The following ASAH1 variants were observed in gnomAD, a reference collection of about 807,000 sequenced individuals.
ASAH1 encodes the protein N-acylsphingosine amidohydrolase 1.
In ASAH1, 70 loss-of-function variants were observed where a neutral mutation model predicts 59.5. That is an observed-to-expected ratio of 1.18 (90% CI 0.97 to 1.43). The LOEUF (loss-of-function observed/expected upper bound fraction) is 1.43. Ranked by LOEUF, ASAH1 falls within the 40% of genes most tolerant of loss-of-function variation. The pLI, the probability that ASAH1 is intolerant of heterozygous loss-of-function variation, is 0.00. For synonymous variants in ASAH1, 213 were observed against 166.5 expected (o/e 1.28, Z -2.15); for missense variants, 660 against 482.5 (o/e 1.37, Z -3.45).
At chr8:18,061,916 ATG>A in intron 8 of ASAH1, 176 bp from the exon 9 acceptor site, 1 of 704,050 alleles carries the variant, frequency 1.4e-6, no homozygotes, top group Non-Finnish European at 2.5e-6. Flanking sequence ...TGATTCTAGT[ATG>A]TGAGATAAGT....
chr8:18,084,300 G>C, upstream of ASAH1: 2 of 1,432,020 alleles, frequency 1.4e-6, no homozygotes, highest in Non-Finnish European at 1.8e-6. Flanking sequence ...CAGAAGGAGA[G>C]TCGCGATCGC....
chr8:18,063,440 A>T (rs1799793647), intron 6 of ASAH1: 2 of 506,428 alleles, frequency 3.9e-6, no homozygotes, highest in Non-Finnish European at 7.0e-6. Context: ...CGTAGTTGGG[A>T]TTACAGACAT....
chr8:18,069,262 G>C (rs1486152650), intron 4 of ASAH1, among the ~76,000 whole-genome samples: 1 of 151,882 alleles, frequency 6.6e-6, no homozygotes, highest in East Asian at 1.9e-4. Context: ...TGTTTCATTG[G>C]TTCTGCGTCA....
At position 18,075,465 on chromosome 8, in the gene ASAH1, T is replaced by C. The variant is rs1433552135; in HGVS notation, c.125+76A>G. Reference sequence around the variant, plus strand: ...TTAAGATTTTATTCACTATCGTTCGTTTATGAGCAATTATTACATACAGAA... The same window carrying C: ...TTAAGATTTTATTCACTATCGTTCGCTTATGAGCAATTATTACATACAGAA... On this transcript the variant is annotated intron_variant, in intron 2 of 13. Coordinates refer to ENST00000637790, the MANE Select transcript of ASAH1 (RefSeq NM_177924.5). The C allele has an allele frequency of 2.1e-6, 3 of 1,420,282 alleles. No homozygotes were observed. The Admixed American group carries it at 5.0e-5, about 24-fold the overall frequency. The allele number at this position is 1,420,282 out of a possible 1,614,324, so 88.0% of individuals were successfully genotyped here.
Position 18,059,720 on chromosome 8 carries a change from A to G in ASAH1, c.786-17T>C, listed in dbSNP as rs746834476. ...TCTTCATAACTATATAGAAACATTT[A>G]AAAAGAAAAATGAAACTTTTTTTTA... On this transcript the variant is annotated splice_polypyrimidine_tract_variant and intron_variant, in intron 10 of 13. Coordinates refer to ENST00000637790, the MANE Select transcript of ASAH1 (RefSeq NM_177924.5). 1.3e-6 allele frequency: 2 copies of G among 1,589,686 alleles called. No individual in the cohort carries two copies. Among genetic ancestry groups the G allele is most frequent in the Non-Finnish European group, 1.7e-6 (2 of 1,170,134 alleles).
chr8:18,083,472 G>T (rs1800747947), intron 1 of ASAH1: 1 of 158,820 alleles, frequency 6.3e-6, no homozygotes, highest in Non-Finnish European at 1.4e-5. Context: ...AAAGGCCACA[G>T]GGGGCCCTTT....
At chr8:18,075,945 C>G in intron 1 of ASAH1, 1 of 352,160 alleles carries the variant, frequency 2.8e-6, no homozygotes, top group Non-Finnish European at 5.4e-6. Context: ...ATTATCTGCA[C>G]TTACCAGCCA....
Position 18,059,736 on chromosome 8 carries a change from C to CT in ASAH1, c.786-34dup, listed in dbSNP as rs200452153. On this transcript the variant is annotated intron_variant, in intron 10 of 13. Transcript: ENST00000637790. ...GAAACATTTAAAAAGAAAAATGAAACTTTTTTTTAATTTTAGTAAATAACT... is the reference window on the plus strand; with the variant it reads ...GAAACATTTAAAAAGAAAAATGAAACTTTTTTTTTAATTTTAGTAAATAACT... 8,014 of 1,555,780 alleles carry CT rather than the reference C, an allele frequency of 5.2e-3. 33 individuals are homozygous for CT. Among genetic ancestry groups the CT allele is most frequent in the Non-Finnish European group, 6.4e-3 (7,316 of 1,148,194 alleles).
Position 18,071,084 on chromosome 8 carries a change from G to A in ASAH1, c.216+216C>T, listed in dbSNP as rs1185085960. ...TTAGCCGGCATGGTGGCAGGTGCCTGTAATTCCAGCTACTCGGGAAGCTGA... is the reference window on the plus strand; with the variant it reads ...TTAGCCGGCATGGTGGCAGGTGCCTATAATTCCAGCTACTCGGGAAGCTGA... On this transcript the variant is annotated intron_variant, in intron 3 of 13. Transcript: ENST00000637790. 3.3e-5 allele frequency among the ~76,000 whole-genome samples: 5 copies of A among 151,974 alleles called. No homozygotes were observed. The East Asian group carries it at 7.7e-4, about 23-fold the overall frequency.
rs750990337 is a variant in ASAH1 at position 18,071,438 on chromosome 8, G to A, written c.126-48C>T. On this transcript the variant is annotated intron_variant, in intron 2 of 13. Coordinates refer to ENST00000637790, the MANE Select transcript of ASAH1 (RefSeq NM_177924.5). Reference sequence around the variant, plus strand: ...TTGAAATGATGAAAGGGTTTTTTGTGAGGGTCAGTTAGATACATCTATAAG... The same window carrying A: ...TTGAAATGATGAAAGGGTTTTTTGTAAGGGTCAGTTAGATACATCTATAAG... 8.4e-5 allele frequency: 102 copies of A among 1,209,240 alleles called. 2 individuals are homozygous for A. In the South Asian group the frequency reaches 1.3e-3, roughly 15 times the overall value. 74.9% of individuals were successfully genotyped at this position (1,209,240 alleles called of 1,614,324 possible). A position where few individuals can be genotyped will look rare whatever the true frequency, so the allele number is the denominator to read the frequency against.
At chr8:18,067,088 ATC>A in intron 5 of ASAH1, 130 bp downstream of exon 5, 1 of 160,672 alleles carries the variant, frequency 6.2e-6, no homozygotes, top group South Asian at 6.1e-5. Context: ...TGAGCTGTAT[ATC>A]TAAGACCTGT....
chr8:18,084,889 G>A, upstream of ASAH1: 2 of 1,549,868 alleles, frequency 1.3e-6, no homozygotes, highest in Non-Finnish European at 1.7e-6. Context: ...CGAGTAGCTC[G>A]GCAGGGGGAC....
In ASAH1 at chr8:18,062,377, G is replaced by C. The variant is rs761518207; in HGVS notation, c.550C>G (p.Pro184Ala). The C allele has an allele frequency of 1.2e-6, 2 of 1,614,096 alleles. No homozygotes were observed. The highest frequency in any genetic ancestry group is 1.7e-6 in the Non-Finnish European group (2 of 1,180,004). The change falls in exon 8 of 14, where the codon CCT (proline) becomes GCT (alanine). Residue 184 changes from proline (P) to alanine (A), a missense_variant. Coordinates refer to ENST00000637790, the MANE Select transcript of ASAH1 (RefSeq NM_177924.5). The stretch of plus-strand genomic sequence containing the variant: ...TGGAAATCCAAATTCACTGTTAAAG[G>C]TTTTAGTTGCTCAGTTATGACCCAG... ...DTWVITEQLK[P>A]LTVNLDFQRN...
At chr8:18,068,415 T>C (rs1800020714) in intron 4 of ASAH1, 1 of 152,334 alleles carries the variant, frequency 6.6e-6, no homozygotes, top group Non-Finnish European at 1.5e-5. Flanking sequence ...TTTTTTTGTT[T>C]TGAGGAAGTC....
upstream of ASAH1, chr8:18,084,410 T>C (rs1800808825): frequency 4.3e-6 from 6 of 1,391,352 alleles, no homozygotes; most frequent in Middle Eastern, 2.7e-4. Context: ...GCTTCACCCG[T>C]GGCGCCTCGA....
In ASAH1 at chr8:18,061,404, G is replaced by C. The variant is rs749399433; in HGVS notation, c.758C>G (p.Thr253Ser). The change falls in exon 10 of 14, where the codon ACT becomes AGT. Residue 253 changes from threonine (T) to serine (S), a missense_variant. Thr to Ser is a moderately conservative substitution (Grantham distance 58, BLOSUM62 1). Transcript: ENST00000637790. ...TGTGCTATTTTCCAGAACTGTTCTA[G>C]TGAGGAACCCTATCCACATGACATC... Reference protein sequence around the residue: ...KKDVMWIGFLTRTVLENSTSY... With the variant: ...KKDVMWIGFLSRTVLENSTSY... 1.2e-5 allele frequency: 20 copies of C among 1,612,712 alleles called. No homozygotes were observed. The highest frequency in any genetic ancestry group is 1.6e-5 in the Non-Finnish European group (19 of 1,178,768).
At position 18,060,901 on chromosome 8, in the gene ASAH1, T is replaced by A. The variant is rs1799666407; in HGVS notation, c.785+476A>T. The A allele has an allele frequency of 2.9e-5, 5 of 173,890 alleles. No homozygotes were observed. In the South Asian group the frequency reaches 6.4e-4, roughly 22 times the overall value. The allele number at this position is 173,890 out of a possible 1,614,324, so 10.8% of individuals were successfully genotyped here. A position where few individuals can be genotyped will look rare whatever the true frequency, so the allele number is the denominator to read the frequency against. ...GTAGCTGGGACTACAGGCAGGCACG[T>A]GTCACCATGCCTGGCTAATTTTTGT... is the stretch of plus-strand genomic sequence containing the variant. On this transcript the variant is annotated intron_variant, in intron 10 of 13. Coordinates refer to ENST00000637790, the MANE Select transcript of ASAH1 (RefSeq NM_177924.5).
chr8:18,061,193 T>C (rs1422397937), intron 10 of ASAH1, 184 bp downstream of exon 10: 3 of 523,592 alleles, frequency 5.7e-6, no homozygotes, highest in Admixed American at 6.3e-5. Flanking sequence ...TTCATTTATT[T>C]GCTATAAAAC....
rs528393281 is a variant in ASAH1 at position 18,073,364 on chromosome 8, A to C, written c.126-1974T>G. 5.8e-6 allele frequency: 7 copies of C among 1,213,336 alleles called. No homozygotes were observed. In the African/African-American group the frequency reaches 1.0e-4, roughly 18 times the overall value. 75.2% of individuals were successfully genotyped at this position (1,213,336 alleles called of 1,614,324 possible). A position where few individuals can be genotyped will look rare whatever the true frequency, so the allele number is the denominator to read the frequency against. ...TCATCACAATTTATTTTCCTACTTC[A>C]CTGCAAACAAGAAATATCATTTCAT... is the stretch of plus-strand genomic sequence containing the variant. On this transcript the variant is annotated intron_variant, in intron 2 of 13. Transcript: ENST00000637790.
Sources: allele counts gnomAD v4.1 joint callset (sites outside exome capture counted in the v4.1 genomes callset), GRCh38; gene constraint gnomAD v4.1.1; transcripts MANE v1.5; gene names NCBI Gene and HGNC (gene_info 2026-07-23, HGNC 2026-07-21).